Variants in MYO1D observed in about 807,000 individuals in gnomAD.
The protein encoded by MYO1D is myosin ID, also known as unconventional myosin-Id.
MYO1D carries 83 observed loss-of-function variants against 122.0 expected under a neutral mutation model. The ratio of observed to expected loss-of-function variants is 0.68; its 90% CI spans 0.57 to 0.82. The LOEUF is 0.82. Among genes scored for constraint, MYO1D ranks in the 40% least tolerant of loss-of-function variants. The probability of loss-of-function intolerance (pLI) is 0.00; values close to 1 mark genes in which losing one functional copy is unlikely to be tolerated. For missense variants in MYO1D, 1,157 were observed against 1,269.5 expected (o/e 0.91, Z 1.35); for synonymous variants, 464 against 446.9 (o/e 1.04, Z -0.48).
intron 20 of MYO1D, among the ~76,000 whole-genome samples, chr17:32,637,958 T>TTAAAA (rs2088128726): frequency 6.6e-6 from 1 of 152,202 alleles, no homozygotes; most frequent in Non-Finnish European, 1.5e-5. Flanking sequence ...CCAAAAGGAT[T>TTAAAA]TAAAATATTC....
intron 10 of MYO1D, among the ~76,000 whole-genome samples, chr17:32,758,302 TATCA>T (rs1384218792): frequency 6.6e-6 from 1 of 152,104 alleles, no homozygotes; most frequent in Admixed American, 6.6e-5. Flanking sequence ...GCAAGAGACC[TATCA>T]ATCAATCATA....
At chr17:32,647,828 C>T (rs1278374844) in intron 19 of MYO1D, among the ~76,000 whole-genome samples, 1 of 151,800 alleles carries the variant, frequency 6.6e-6, no homozygotes, top group Non-Finnish European at 1.5e-5. Context: ...AGTGTGGTAA[C>T]CCACCCCAAG....
chr17:32,771,614 GAAGT>G (rs2090113514), intron 5 of MYO1D, among the ~76,000 whole-genome samples: 1 of 152,168 alleles, frequency 6.6e-6, no homozygotes, highest in Non-Finnish European at 1.5e-5. Context: ...TATTGCTACG[GAAGT>G]AAGAAACATC....
rs148529030 is a variant in MYO1D, at chr17:32,555,901, G to A, written c.2864+49186C>T. ...TCTTCACAGTTCCTGTTCATCTTCC[G>A]AGCCTGAGCTGAAGTGTCACCTCTT... On this transcript the variant is annotated intron_variant, in intron 21 of 21. Coordinates refer to ENST00000318217, the MANE Select transcript of MYO1D (RefSeq NM_015194.3). Among the ~76,000 whole-genome samples, 127 of 152,220 alleles carry A rather than the reference G, an allele frequency of 8.3e-4. 1 individual carries two copies. Among genetic ancestry groups the A allele is most frequent in the African/African-American group, 2.8e-3 (116 of 41,524 alleles).
At chr17:32,773,770 A>G (rs2090146649) in intron 4 of MYO1D, among the ~76,000 whole-genome samples, 1 of 152,094 alleles carries the variant, frequency 6.6e-6, no homozygotes, top group Non-Finnish European at 1.5e-5. Flanking sequence ...AGAAAACAGC[A>G]CTTTAAATTT....
At chr17:32,828,366 A>T (rs930820148) in intron 1 of MYO1D, among the ~76,000 whole-genome samples, 1 of 152,022 alleles carries the variant, frequency 6.6e-6, no homozygotes, top group African/African-American at 2.4e-5. Context: ...AATACAAAAA[A>T]TTAGCCGGGC....
chr17:32,609,297 C>T (rs1438617379), intron 20 of MYO1D, among the ~76,000 whole-genome samples: 1 of 152,206 alleles, frequency 6.6e-6, no homozygotes, highest in Non-Finnish European at 1.5e-5. Flanking sequence ...CTGGCTACCA[C>T]AGGTGCTATC....
chr17:32,652,389 G>T (rs759818485), intron 19 of MYO1D, among the ~76,000 whole-genome samples: 2 of 152,102 alleles, frequency 1.3e-5, no homozygotes, highest in Non-Finnish European at 2.9e-5. Flanking sequence ...AATGAAGCAC[G>T]TGTAAAATCA....
chr17:32,627,045 T>C (rs1237099621), intron 20 of MYO1D, among the ~76,000 whole-genome samples: 1 of 152,216 alleles, frequency 6.6e-6, no homozygotes, highest in Non-Finnish European at 1.5e-5. Context: ...TATCTAATTT[T>C]GCTAAGTGGC....
At chr17:32,765,123 T>G in intron 7 of MYO1D, 42 bp from the exon 8 acceptor site, 1 of 1,505,518 alleles carries the variant, frequency 6.6e-7, no homozygotes, top group Non-Finnish European at 9.2e-7. Context: ...TGAAACATTA[T>G]GTCAAGGATA....
chr17:32,538,843 G>A (rs1384054550), intron 21 of MYO1D, among the ~76,000 whole-genome samples: 1 of 152,060 alleles, frequency 6.6e-6, no homozygotes, highest in African/African-American at 2.4e-5. Context: ...AACTAACACA[G>A]GAACAGAAAA....
chr17:32,772,882 G>A lies in MYO1D; in HGVS notation c.565-40C>T, dbSNP rs771244837. ...ATTAAAATGGTTAACCCGAAAATGTGCCCCTAAAATAAAACAGGAGCCACT... is the reference window on the plus strand; with the variant it reads ...ATTAAAATGGTTAACCCGAAAATGTACCCCTAAAATAAAACAGGAGCCACT... On this transcript the variant is annotated intron_variant, in intron 4 of 21. Transcript: ENST00000318217. The A allele has an allele frequency of 3.2e-6, 5 of 1,563,692 alleles. No homozygotes were observed. In the Admixed American group the frequency reaches 8.4e-5, roughly 26 times the overall value.
intron 16 of MYO1D, among the ~76,000 whole-genome samples, chr17:32,683,838 C>T (rs1266257106): frequency 6.6e-6 from 1 of 151,984 alleles, no homozygotes; most frequent in East Asian, 1.9e-4. Context: ...GGGCGCCCCT[C>T]CCCCAGCCTC....
intron 16 of MYO1D, among the ~76,000 whole-genome samples, chr17:32,687,001 A>ACC (rs2089021454): frequency 1.4e-5 from 2 of 147,970 alleles, no homozygotes; most frequent in Admixed American, 1.3e-4. Context: ...ACACACACAC[A>ACC]CACACCAAAA....
intron 16 of MYO1D, among the ~76,000 whole-genome samples, chr17:32,685,677 T>C (rs114413149): frequency 0.026 from 3,946 of 152,338 alleles, 134 homozygotes; most frequent in African/African-American, 0.082. Context: ...CAGAGCTCCT[T>C]GATTTAACCA....
intron 21 of MYO1D, among the ~76,000 whole-genome samples, chr17:32,559,974 G>C (rs2087102704): frequency 6.6e-6 from 1 of 152,156 alleles, no homozygotes; most frequent in Non-Finnish European, 1.5e-5. Flanking sequence ...CATAAAAAGT[G>C]TGCCAGGTGT....
At chr17:32,822,550 T>TCGTCCGCTCCGGGC (rs548637699) in intron 1 of MYO1D, among the ~76,000 whole-genome samples, 26,660 of 149,154 alleles carry the variant, frequency 0.18, 2,520 homozygotes, top group Middle Eastern at 0.3. Flanking sequence ...CCGGGGCGGC[T>TCGTCCGCTCCGGGC]CGGGACGGGG....
intron 20 of MYO1D, among the ~76,000 whole-genome samples, chr17:32,621,994 A>G (rs904747818): frequency 2.6e-5 from 4 of 152,088 alleles, no homozygotes; most frequent in African/African-American, 9.7e-5. Context: ...TGGGAAATAG[A>G]TTCCTGTTGT....
At chr17:32,855,986 A>G (rs2151084499) in intron 1 of MYO1D, among the ~76,000 whole-genome samples, 1 of 152,254 alleles carries the variant, frequency 6.6e-6, no homozygotes, top group East Asian at 1.9e-4. Flanking sequence ...CAGGCATTTC[A>G]GAATGACAGC....
Sources: allele counts gnomAD v4.1 joint callset (sites outside exome capture counted in the v4.1 genomes callset), GRCh38; gene constraint gnomAD v4.1.1; transcripts MANE v1.5; gene names NCBI Gene and HGNC (gene_info 2026-07-23, HGNC 2026-07-21).